Variants in IL4I1 observed in about 807,000 individuals in gnomAD.
IL4I1 encodes L-amino-acid oxidase.
Under a neutral mutation model 29.7 loss-of-function variants are expected in IL4I1, and 24 were observed. The observed-to-expected ratio is 0.81, with a 90% CI of 0.59 to 1.14. The LOEUF is 1.14. Among genes scored for constraint, IL4I1 ranks in the 50% most tolerant of loss-of-function variants. The probability of loss-of-function intolerance (pLI) is 0.00; values close to 1 mark genes in which losing one functional copy is unlikely to be tolerated. For missense variants in IL4I1, 686 were observed against 785.6 expected, an observed-to-expected ratio of 0.87 and a Z score of 1.52; for synonymous variants, 371 against 352.5, an observed-to-expected ratio of 1.05 and a Z score of -0.59.
At chr19:49,912,685 G>C (rs536625805) in intron 2 of IL4I1, among the ~76,000 whole-genome samples, 1 of 152,108 alleles carries the variant, frequency 6.6e-6, no homozygotes, top group Non-Finnish European at 1.5e-5. Context: ...CCAACATAGC[G>C]AGATGCTGTC....
chr19:49,891,249 C>T (rs1302438374), intron 6 of IL4I1, 142 bp from the exon 7 acceptor site: 2 of 1,434,644 alleles, frequency 1.4e-6, no homozygotes, highest in South Asian at 1.3e-5. Flanking sequence ...ATGAGGGAAA[C>T]GGAGGTCCAG....
intron 7 of IL4I1, 129 bp from the exon 8 acceptor site, chr19:49,890,729 C>T (rs2122499829): frequency 1.1e-6 from 1 of 914,352 alleles, no homozygotes; most frequent in African/African-American, 1.7e-5. Flanking sequence ...TCCACCTCTC[C>T]CGACCCCGCC....
In IL4I1 at chr19:49,929,237, C is replaced by G. The variant is rs539126383; in HGVS notation, c.-350+89G>C. On this transcript the variant is annotated intron_variant, in intron 1 of 9. Coordinates refer to the IL4I1 transcript ENST00000341114. The stretch of plus-strand genomic sequence containing the variant: ...GTCCTCGGATCACAGTCTCTTCTCA[C>G]TACAGTGTCGCCGCCTCTGCCTGCG... 1.3e-5 allele frequency: 2 copies of G among 153,746 alleles called. No homozygotes were observed. Among genetic ancestry groups the G allele is most frequent in the Admixed American group, 1.3e-4 (2 of 15,304 alleles). 9.5% of individuals were successfully genotyped at this position (153,746 alleles called of 1,614,324 possible).
chr19:49,891,561 G>A lies in IL4I1; in HGVS notation c.568-88C>T. ...TGGAGCCCACACTCGGCTTCTCCTCGTGGTTCTGCCCACGGCTGGCCATTC... is the reference window on the plus strand; with the variant it reads ...TGGAGCCCACACTCGGCTTCTCCTCATGGTTCTGCCCACGGCTGGCCATTC... On this transcript the variant is annotated intron_variant, in intron 5 of 7. Transcript: ENST00000391826. 4 of 1,198,658 alleles carry A rather than the reference G, an allele frequency of 3.3e-6. No homozygotes were observed. The South Asian group carries it at 3.6e-5, about 11-fold the overall frequency. 74.3% of individuals were successfully genotyped at this position (1,198,658 alleles called of 1,614,324 possible).
chr19:49,924,288 T>C (rs1331621493), intron 2 of IL4I1, among the ~76,000 whole-genome samples: 2 of 152,170 alleles, frequency 1.3e-5, no homozygotes, highest in Admixed American at 1.3e-4. Context: ...CTGAGGCCCC[T>C]TCTTGGCACC....
At chr19:49,894,140 C>T (rs1600469844) in intron 5 of IL4I1, 128 bp downstream of exon 5, 1 of 831,626 alleles carries the variant, frequency 1.2e-6, no homozygotes, top group East Asian at 2.7e-5. Flanking sequence ...ATTTCCATCT[C>T]CACCAACAGG....
intron 2 of IL4I1, among the ~76,000 whole-genome samples, chr19:49,904,901 A>G (rs1002276385): frequency 9.2e-5 from 14 of 152,102 alleles, no homozygotes; most frequent in African/African-American, 2.4e-4. Flanking sequence ...TAGTAGAGAC[A>G]GGGTTTCACC....
At chr19:49,911,929 A>G (rs1032685911) in intron 2 of IL4I1, among the ~76,000 whole-genome samples, 3 of 152,204 alleles carry the variant, frequency 2.0e-5, no homozygotes, top group Non-Finnish European at 4.4e-5. Flanking sequence ...GGACAGAACA[A>G]AAGTCCTCAC....
At chr19:49,925,788 A>G (rs1333534639) in intron 2 of IL4I1, among the ~76,000 whole-genome samples, 1 of 152,224 alleles carries the variant, frequency 6.6e-6, no homozygotes, top group Non-Finnish European at 1.5e-5. Flanking sequence ...GTTGTGACAA[A>G]TGTGGCAAAG....
intron 2 of IL4I1, among the ~76,000 whole-genome samples, chr19:49,914,374 T>G (rs2075564209): frequency 6.6e-6 from 1 of 152,088 alleles, no homozygotes; most frequent in African/African-American, 2.4e-5. Flanking sequence ...CCTGGGCCTG[T>G]GCTCAGGGCT....
intron 2 of IL4I1, among the ~76,000 whole-genome samples, chr19:49,917,996 A>G (rs10425271): frequency 1.0e-3 from 159 of 151,982 alleles, no homozygotes; most frequent in Middle Eastern, 3.4e-3. Flanking sequence ...ACAGAGCGAG[A>G]CTCTGTCTAA....
chr19:49,902,533 A>T (rs1364563430), intron 3 of IL4I1, among the ~76,000 whole-genome samples: 1 of 152,036 alleles, frequency 6.6e-6, no homozygotes. Flanking sequence ...AAACAAAACA[A>T]AAAAACAGTT....
At chr19:49,895,032 A>T in intron 4 of IL4I1, 36 bp downstream of exon 4, 1 of 1,525,216 alleles carries the variant, frequency 6.6e-7, no homozygotes, top group Non-Finnish European at 9.1e-7. Flanking sequence ...GGGCTAGTTG[A>T]GTCTAGGCAC....
intron 2 of IL4I1, chr19:49,909,350 G>A (rs1057203459): frequency 1.2e-6 from 2 of 1,613,940 alleles, no homozygotes; most frequent in Non-Finnish European, 1.7e-6. Flanking sequence ...TCCAGATGTG[G>A]TAGCTGGAGC....
upstream of IL4I1, among the ~76,000 whole-genome samples, chr19:49,901,483 G>T (rs369148906): frequency 2.0e-5 from 3 of 152,182 alleles, no homozygotes; most frequent in East Asian, 5.8e-4. Flanking sequence ...GGAGTCAGGG[G>T]GTCCAGGCCC....
chr19:49,910,600 T>C (rs1350757755), intron 2 of IL4I1, among the ~76,000 whole-genome samples: 1 of 152,030 alleles, frequency 6.6e-6, no homozygotes, highest in Non-Finnish European at 1.5e-5. Context: ...GGCAGCTGCC[T>C]CCTTCACCTG....
At chr19:49,908,431 G>A in intron 2 of IL4I1, 2 of 1,614,136 alleles carry the variant, frequency 1.2e-6, no homozygotes, top group Non-Finnish European at 1.7e-6. Flanking sequence ...CCCCGGACGT[G>A]TTCAGGTGCT....
At position 49,925,256 on chromosome 19, in the gene IL4I1, C is replaced by T. The variant is rs145504521; in HGVS notation, c.-228+2438G>A. On this transcript the variant is annotated intron_variant, in intron 2 of 9. Transcript: ENST00000341114. ...AGCCTGGGCAACAAGAGTGAAACTC[C>T]GTCTCAAAAAACCAAAAAAATTAAA... is the stretch of plus-strand genomic sequence containing the variant. Among the ~76,000 whole-genome samples the T allele has an allele frequency of 1.7e-3, 257 of 151,840 alleles. 6 individuals carry two copies. In the East Asian group the frequency reaches 0.046, roughly 27 times the overall value.
intron 2 of IL4I1, among the ~76,000 whole-genome samples, chr19:49,916,377 G>A (rs60706906): frequency 0.12 from 17,929 of 145,638 alleles, 1,384 homozygotes; most frequent in East Asian, 0.38. Flanking sequence ...TTTTTGAGAC[G>A]GAGTCTCGCT....
Sources: allele counts gnomAD v4.1 joint callset (sites outside exome capture counted in the v4.1 genomes callset), GRCh38; gene constraint gnomAD v4.1.1; transcripts MANE v1.5; gene names NCBI Gene and HGNC (gene_info 2026-07-23, HGNC 2026-07-21).